Variants in MTSS1 observed in about 807,000 individuals in gnomAD.
MTSS1 encodes the protein protein MTSS 1.
MTSS1 carries 18 observed loss-of-function variants against 79.0 expected under a neutral mutation model. The observed-to-expected ratio is 0.23, with a 90% CI of 0.16 to 0.34. The LOEUF is 0.34. Among genes scored for constraint, MTSS1 ranks in the 10% least tolerant of loss-of-function variants. The pLI, the probability that MTSS1 is intolerant of heterozygous loss-of-function variation, is 1.00. For synonymous variants in MTSS1, 341 were observed against 368.6 expected, an observed-to-expected ratio of 0.93 and a Z score of 0.86; for missense variants, 815 against 986.2, an observed-to-expected ratio of 0.83 and a Z score of 2.33.
intron 3 of MTSS1, among the ~76,000 whole-genome samples, chr8:124,593,146 G>A (rs965837891): frequency 6.6e-6 from 1 of 152,166 alleles, no homozygotes. Context: ...ACTCTGCCCC[G>A]CCTTCTGCGC....
chr8:124,672,535 G>A (rs1824435772), intron 3 of MTSS1, among the ~76,000 whole-genome samples: 1 of 152,022 alleles, frequency 6.6e-6, no homozygotes, highest in African/African-American at 2.4e-5. Context: ...GCTGGGCATG[G>A]TGGCTCATGC....
intron 3 of MTSS1, among the ~76,000 whole-genome samples, chr8:124,674,316 CCACTTCAATTATAAAAAA>C (rs1382175988): frequency 3.9e-5 from 6 of 151,982 alleles, no homozygotes; most frequent in African/African-American, 7.3e-5. Context: ...TATGTCAATT[CCACTTCAATTATAAAAAA>C]CACTTCAATT....
chr8:124,565,922 C>A, intron 8 of MTSS1, 163 bp from the exon 9 acceptor site: 3 of 525,790 alleles, frequency 5.7e-6, no homozygotes, highest in Admixed American at 3.3e-5. Flanking sequence ...GCCACAGTAC[C>A]AAATCCATCA....
intron 9 of MTSS1, 47 bp downstream of exon 9, chr8:124,565,614 GA>G: frequency 6.5e-7 from 1 of 1,532,402 alleles, no homozygotes. Context: ...TTAGCATAAA[GA>G]AAAATGACCC....
At chr8:124,695,735 G>A (rs1216334945) in intron 3 of MTSS1, among the ~76,000 whole-genome samples, 3 of 152,120 alleles carry the variant, frequency 2.0e-5, no homozygotes, top group Non-Finnish European at 2.9e-5. Context: ...TATAGGTACT[G>A]GAAAGATAAC....
intron 3 of MTSS1, among the ~76,000 whole-genome samples, chr8:124,692,714 T>C (rs1488646282): frequency 6.6e-6 from 1 of 152,198 alleles, no homozygotes; most frequent in Non-Finnish European, 1.5e-5. Flanking sequence ...ATTCAAATTC[T>C]GAACTCCAGG....
At position 124,685,399 on chromosome 8, in the gene MTSS1, G is replaced by A. The variant is rs1826793668; in HGVS notation, c.208+14127C>T. 3.3e-5 allele frequency among the ~76,000 whole-genome samples: 5 copies of A among 152,240 alleles called. No individual in the cohort carries two copies. The South Asian group carries it at 1.0e-3, about 31-fold the overall frequency. On this transcript the variant is annotated intron_variant, in intron 3 of 13. Coordinates refer to ENST00000518547, the MANE Select transcript of MTSS1 (RefSeq NM_014751.6). Reference sequence around the variant, plus strand: ...TAATCCCAGCACTTTGGGAGGCCAAGGTGGGAGAATCTCCAGACCAGGGAA... The same window carrying A: ...TAATCCCAGCACTTTGGGAGGCCAAAGTGGGAGAATCTCCAGACCAGGGAA...
At chr8:124,602,776 A>T (rs1834158596) in intron 3 of MTSS1, among the ~76,000 whole-genome samples, 1 of 152,050 alleles carries the variant, frequency 6.6e-6, no homozygotes, top group Non-Finnish European at 1.5e-5. Context: ...AGACTGGATG[A>T]CCCCTCTTCC....
chr8:124,646,920 G>A (rs1819097345), intron 3 of MTSS1, among the ~76,000 whole-genome samples: 1 of 151,584 alleles, frequency 6.6e-6, no homozygotes, highest in South Asian at 2.1e-4. Flanking sequence ...GGCCTCAAAT[G>A]GTCCTCCCAT....
intron 3 of MTSS1, among the ~76,000 whole-genome samples, chr8:124,632,549 T>G (rs1014190370): frequency 6.6e-6 from 1 of 152,188 alleles, no homozygotes; most frequent in East Asian, 1.9e-4. Flanking sequence ...ACCTGGAAAT[T>G]TCTCCAGCCA....
At chr8:124,652,727 G>A (rs1316183413) in intron 3 of MTSS1, among the ~76,000 whole-genome samples, 5 of 151,424 alleles carry the variant, frequency 3.3e-5, no homozygotes, top group East Asian at 2.0e-4. Context: ...CCCGGGAAGC[G>A]GAGGTTTCAG....
At chr8:124,654,807 T>G (rs1349181882) in intron 3 of MTSS1, among the ~76,000 whole-genome samples, 2 of 152,158 alleles carry the variant, frequency 1.3e-5, no homozygotes, top group Non-Finnish European at 2.9e-5. Context: ...TAAAATTTCC[T>G]TACATTCCTC....
At chr8:124,695,382 A>C (rs1010698548) in intron 3 of MTSS1, among the ~76,000 whole-genome samples, 1 of 152,174 alleles carries the variant, frequency 6.6e-6, no homozygotes, top group Non-Finnish European at 1.5e-5. Context: ...GGAGTAACCA[A>C]GGATATTCTT....
chr8:124,598,902 G>A (rs534785952), intron 3 of MTSS1, among the ~76,000 whole-genome samples: 15 of 149,946 alleles, frequency 1.0e-4, no homozygotes, highest in African/African-American at 2.2e-4. Flanking sequence ...GCTCCTTCAC[G>A]GGACCCAGCT....
chr8:124,606,175 T>A (rs1234310426), intron 3 of MTSS1, among the ~76,000 whole-genome samples: 1 of 147,678 alleles, frequency 6.8e-6, no homozygotes, highest in African/African-American at 2.5e-5. Flanking sequence ...TTTTTTGTTT[T>A]TTTTTTTTTT....
At position 124,683,927 on chromosome 8, in the gene MTSS1, G is replaced by A. The variant is rs549466758; in HGVS notation, c.208+15599C>T. Among the ~76,000 whole-genome samples the A allele has an allele frequency of 6.6e-5, 10 of 152,190 alleles. No individual in the cohort carries two copies. The highest frequency in any genetic ancestry group is 5.8e-4 in the East Asian group (3 of 5,178). ...TTTCCATTATCAAACCAAGGAGACC[G>A]AAAAAGTGACCTGGGCCATAGGATT... On this transcript the variant is annotated intron_variant, in intron 3 of 13. Coordinates refer to ENST00000518547, the MANE Select transcript of MTSS1 (RefSeq NM_014751.6). The surrounding 1 kb of genome is among the most constrained non-coding windows in gnomAD (Gnocchi z 4.5).
At chr8:124,588,258 A>G (rs540674365) in intron 5 of MTSS1, among the ~76,000 whole-genome samples, 1 of 151,882 alleles carries the variant, frequency 6.6e-6, no homozygotes, top group Admixed American at 6.6e-5. Flanking sequence ...CACCATTCAC[A>G]CTCCCAGAGC....
intron 3 of MTSS1, among the ~76,000 whole-genome samples, chr8:124,657,591 C>A (rs1440226308): frequency 1.3e-5 from 2 of 152,102 alleles, no homozygotes; most frequent in Non-Finnish European, 2.9e-5. Context: ...GACTCACCAG[C>A]AACACTGTGA....
intron 3 of MTSS1, among the ~76,000 whole-genome samples, chr8:124,671,417 C>T (rs1156452080): frequency 6.6e-6 from 1 of 152,152 alleles, no homozygotes; most frequent in Admixed American, 6.5e-5. Context: ...CACCCACTTG[C>T]CAAGTCCTCA....
Sources: allele counts gnomAD v4.1 joint callset (sites outside exome capture counted in the v4.1 genomes callset), GRCh38; gene constraint gnomAD v4.1.1; non-coding constraint Gnocchi (gnomAD v3.1); transcripts MANE v1.5; gene names NCBI Gene and HGNC (gene_info 2026-07-23, HGNC 2026-07-21).